Variants in SLC8A1 observed in about 807,000 individuals in gnomAD.
The protein encoded by SLC8A1 is sodium/calcium exchanger 1.
SLC8A1 carries 18 observed loss-of-function variants against 68.3 expected under a neutral mutation model. The observed-to-expected ratio is 0.26, with a 90% confidence interval of 0.18 to 0.39. The LOEUF is 0.39. Among genes scored for constraint, SLC8A1 ranks in the 10% least tolerant of loss-of-function variants. The probability of loss-of-function intolerance (pLI) is 1.00; values close to 1 mark genes in which losing one functional copy is unlikely to be tolerated. For synonymous variants in SLC8A1, 475 were observed against 415.5 expected (o/e 1.14, Z -1.74); for missense variants, 985 against 1,156.7 (o/e 0.85, Z 2.15).
chr2:40,177,049 CTT>C (rs11290360), intron 3 of SLC8A1, among the ~76,000 whole-genome samples: 7 of 151,882 alleles, frequency 4.6e-5, no homozygotes, highest in African/African-American at 1.7e-4. Context: ...TTTATTTTTT[CTT>C]TTTTTTATAT....
At chr2:40,478,774 GTTT>G (rs760505178) in intron 1 of SLC8A1, among the ~76,000 whole-genome samples, 1 of 133,966 alleles carries the variant, frequency 7.5e-6, no homozygotes, top group Non-Finnish European at 1.6e-5. Flanking sequence ...TAATTTGTTT[GTTT>G]TTTTTTTTTT....
At chr2:40,292,013 C>T (rs1400487100) in intron 2 of SLC8A1, among the ~76,000 whole-genome samples, 1 of 151,292 alleles carries the variant, frequency 6.6e-6, no homozygotes, top group Non-Finnish European at 1.5e-5. Flanking sequence ...ATATTAACTT[C>T]TAGCACATGC....
chr2:40,124,563 C>A (rs186530472), intron 7 of SLC8A1, among the ~76,000 whole-genome samples: 1 of 152,272 alleles, frequency 6.6e-6, no homozygotes, highest in Non-Finnish European at 1.5e-5. Flanking sequence ...CCTCCATTAA[C>A]TCATTCCTAC....
chr2:40,172,940 C>CA (rs964488900), intron 4 of SLC8A1, among the ~76,000 whole-genome samples: 3 of 151,436 alleles, frequency 2.0e-5, no homozygotes, highest in African/African-American at 4.9e-5. Flanking sequence ...GACTCCATCT[C>CA]AAAAAAAAGT....
intron 2 of SLC8A1, among the ~76,000 whole-genome samples, chr2:40,229,340 C>T (rs920373702): frequency 6.6e-6 from 1 of 151,964 alleles, no homozygotes; most frequent in Non-Finnish European, 1.5e-5. Flanking sequence ...AATATATTTT[C>T]CTATAAATAA....
intron 2 of SLC8A1, among the ~76,000 whole-genome samples, chr2:40,263,053 A>C (rs1559013320): frequency 6.6e-6 from 1 of 152,248 alleles, no homozygotes; most frequent in Non-Finnish European, 1.5e-5. Flanking sequence ...TGGTTTCATC[A>C]TGTAAACAGT....
rs1303557614 is a variant in SLC8A1 at position 40,439,699 on chromosome 2, C to T, written c.-24-9395G>A. On this transcript the variant is annotated intron_variant, in intron 1 of 7. Transcript: ENST00000406785. ...ATTCATCTTCAAGTAGATAGCATTT[C>T]AGAAGACAGAATCCTATCAACTTGA... 2.0e-5 allele frequency among the ~76,000 whole-genome samples: 3 copies of T among 152,092 alleles called. No individual in the cohort carries two copies. The East Asian group carries it at 5.8e-4, about 29-fold the overall frequency.
chr2:40,338,585 AT>A (rs2149399599), intron 2 of SLC8A1, among the ~76,000 whole-genome samples: 1 of 152,330 alleles, frequency 6.6e-6, no homozygotes, highest in East Asian at 1.9e-4. Flanking sequence ...TACTGAAATC[AT>A]TCAACAAATA....
chr2:40,143,788 C>T (rs534571088), intron 6 of SLC8A1, among the ~76,000 whole-genome samples: 3 of 152,214 alleles, frequency 2.0e-5, no homozygotes, highest in South Asian at 4.1e-4. Flanking sequence ...TTAAAGTAAA[C>T]AGGTGTTTCT....
intron 2 of SLC8A1, among the ~76,000 whole-genome samples, chr2:40,303,021 T>C (rs558648568): frequency 2.0e-5 from 3 of 152,310 alleles, no homozygotes; most frequent in African/African-American, 7.2e-5. Flanking sequence ...GGAAAACCAA[T>C]GAGACATTTT....
chr2:40,260,056 C>G (rs182201511), intron 2 of SLC8A1, among the ~76,000 whole-genome samples: 70 of 152,346 alleles, frequency 4.6e-4, no homozygotes, highest in Admixed American at 2.0e-3. Flanking sequence ...TATACCTGAA[C>G]ACTTTAAATA....
chr2:40,187,589 C>A (rs530531982), intron 2 of SLC8A1, among the ~76,000 whole-genome samples: 1 of 152,260 alleles, frequency 6.6e-6, no homozygotes, highest in East Asian at 1.9e-4. Context: ...TTAATGGCAA[C>A]CAGTTCATTT....
At chr2:40,170,894 T>C (rs186862132) in intron 4 of SLC8A1, among the ~76,000 whole-genome samples, 50 of 152,298 alleles carry the variant, frequency 3.3e-4, no homozygotes, top group African/African-American at 1.1e-3. Context: ...TAATAGTACC[T>C]GCTCTGTCTA....
At chr2:40,243,638 G>C (rs891284757) in intron 2 of SLC8A1, among the ~76,000 whole-genome samples, 2 of 152,144 alleles carry the variant, frequency 1.3e-5, no homozygotes, top group East Asian at 3.8e-4. Flanking sequence ...CCTGGCTCTG[G>C]GAAAATGAAC....
intron 5 of SLC8A1, among the ~76,000 whole-genome samples, chr2:40,163,470 G>A (rs922265002): frequency 6.6e-6 from 1 of 152,174 alleles, no homozygotes; most frequent in African/African-American, 2.4e-5. Context: ...ATGAAAAGAG[G>A]GTGAATGAGG....
intron 2 of SLC8A1, among the ~76,000 whole-genome samples, chr2:40,399,644 T>C (rs1377291014): frequency 6.6e-6 from 1 of 152,174 alleles, no homozygotes; most frequent in African/African-American, 2.4e-5. Context: ...AAAAATGCTA[T>C]GCTGTGGGAA....
intron 2 of SLC8A1, among the ~76,000 whole-genome samples, chr2:40,260,630 T>TAAAGAAAAAGAGGAAATGAG (rs1404693035): frequency 6.6e-6 from 1 of 151,846 alleles, no homozygotes; most frequent in African/African-American, 2.4e-5. Flanking sequence ...AAGCTTCCAG[T>TAAAGAAAAAGAGGAAATGAG]AAAGAAAAAG....
chr2:40,376,840 G>C (rs1209669667), intron 2 of SLC8A1, among the ~76,000 whole-genome samples: 1 of 151,994 alleles, frequency 6.6e-6, no homozygotes. Context: ...TAAATAATCT[G>C]AATACTTGTA....
intron 2 of SLC8A1, among the ~76,000 whole-genome samples, chr2:40,238,906 C>T (rs1313643882): frequency 6.6e-6 from 1 of 152,072 alleles, no homozygotes; most frequent in African/African-American, 2.4e-5. Flanking sequence ...ACAGGGATAA[C>T]TGCAGTAACC....
Sources: gnomAD v4.1 joint callset for allele counts (sites outside exome capture counted in the v4.1 genomes callset) on GRCh38, gnomAD v4.1.1 for gene constraint, MANE v1.5 for transcripts, NCBI Gene and HGNC (gene_info 2026-07-23, HGNC 2026-07-21) for gene names.